The following MYO1D variants were observed in gnomAD, a reference collection of about 807,000 sequenced individuals.
The protein encoded by MYO1D is myosin ID.
MYO1D carries 83 observed loss-of-function variants against 122.0 expected under a neutral mutation model. The observed-to-expected ratio is 0.68, with a 90% CI of 0.57 to 0.82. MYO1D has a LOEUF of 0.82. MYO1D is among the 40% of genes least tolerant of loss of function. The probability of loss-of-function intolerance (pLI) is 0.00; values close to 1 mark genes in which losing one functional copy is unlikely to be tolerated. For missense variants in MYO1D, 1,157 were observed against 1,269.5 expected (o/e 0.91, Z 1.35); for synonymous variants, 464 against 446.9 (o/e 1.04, Z -0.48).
Position 32,771,124 on chromosome 17 carries a change from C to T in MYO1D, c.714+1G>A, listed in dbSNP as rs2090108586. The stretch of plus-strand genomic sequence containing the variant: ...AGCAATCTCAAAGAGGAAATTCTCA[C>T]CTTTAATTGAGCTCCCACATGAATA... On this transcript the variant is annotated splice_donor_variant, in intron 6 of 21. Coordinates refer to ENST00000318217, the MANE Select transcript of MYO1D (RefSeq NM_015194.3). LOFTEE classifies it high-confidence loss of function. 12 of 1,585,972 alleles carry T rather than the reference C, an allele frequency of 7.6e-6. No homozygotes were observed. Among genetic ancestry groups the T allele is most frequent in the Non-Finnish European group, 8.7e-6 (10 of 1,154,986 alleles).
chr17:32,537,039 A>G (rs1223086299), intron 21 of MYO1D, among the ~76,000 whole-genome samples: 1 of 152,210 alleles, frequency 6.6e-6, no homozygotes, highest in East Asian at 1.9e-4. Flanking sequence ...TGCCCAAGGA[A>G]TGGAGAAACA....
chr17:32,869,585 G>A (rs920015650), intron 1 of MYO1D, among the ~76,000 whole-genome samples: 1 of 152,198 alleles, frequency 6.6e-6, no homozygotes, highest in African/African-American at 2.4e-5. Flanking sequence ...CACTCCTAGA[G>A]ATAGTGTCCA....
intron 20 of MYO1D, among the ~76,000 whole-genome samples, chr17:32,605,994 G>T (rs1012188808): frequency 6.6e-6 from 1 of 152,006 alleles, no homozygotes; most frequent in Admixed American, 6.5e-5. Context: ...CAGCTACTTG[G>T]GGGGCTGAGG....
intron 21 of MYO1D, among the ~76,000 whole-genome samples, chr17:32,532,260 T>C (rs924123742): frequency 2.0e-5 from 3 of 152,268 alleles, no homozygotes; most frequent in Non-Finnish European, 4.4e-5. Flanking sequence ...AGAAATGATC[T>C]GCTTTCTTTT....
chr17:32,753,252 A>AG (rs34102716), intron 11 of MYO1D, among the ~76,000 whole-genome samples: 75,067 of 151,814 alleles, frequency 0.49, 18,866 homozygotes, highest in East Asian at 0.73. Flanking sequence ...CTCCAAAAGC[A>AG]GGGGGTGAGA....
chr17:32,706,173 T>C (rs762127124), intron 16 of MYO1D, among the ~76,000 whole-genome samples: 1 of 152,196 alleles, frequency 6.6e-6, no homozygotes, highest in African/African-American at 2.4e-5. Flanking sequence ...AGTGGCACAA[T>C]CTCAGGTCAC....
At chr17:32,740,968 TACACAGAC>T (rs1434321707) in intron 13 of MYO1D, among the ~76,000 whole-genome samples, 9 of 152,190 alleles carry the variant, frequency 5.9e-5, no homozygotes, top group South Asian at 2.1e-4. Flanking sequence ...TCCCTTCATT[TACACAGAC>T]ACACACAGAC....
chr17:32,764,346 A>T (rs1490465245), intron 8 of MYO1D, among the ~76,000 whole-genome samples: 2 of 152,196 alleles, frequency 1.3e-5, no homozygotes, highest in Admixed American at 6.5e-5. Flanking sequence ...ATTTGTGGTG[A>T]TCCACTGCAA....
intron 20 of MYO1D, among the ~76,000 whole-genome samples, chr17:32,615,079 G>A (rs914970695): frequency 2.6e-5 from 4 of 152,300 alleles, no homozygotes; most frequent in Middle Eastern, 3.4e-3. Context: ...ATAAAGTAGC[G>A]GTCGTTTCAT....
chr17:32,709,908 T>G (rs187000228), intron 16 of MYO1D, among the ~76,000 whole-genome samples: 1 of 152,184 alleles, frequency 6.6e-6, no homozygotes, highest in East Asian at 1.9e-4. Context: ...ATCTAGGAAT[T>G]AACCATGAAT....
Position 32,558,820 on chromosome 17 carries a change from C to G in MYO1D, c.2864+46267G>C, listed in dbSNP as rs2087091979. Among the ~76,000 whole-genome samples the G allele has an allele frequency of 2.0e-5, 3 of 152,186 alleles. No homozygotes were observed. The South Asian group carries it at 6.2e-4, about 32-fold the overall frequency. Reference sequence around the variant, plus strand: ...AAGACACTGAGGCGGGGAGTAGATGCTGGAGCCAGACTGTCTGAGCTCTGG... The same window carrying G: ...AAGACACTGAGGCGGGGAGTAGATGGTGGAGCCAGACTGTCTGAGCTCTGG... On this transcript the variant is annotated intron_variant, in intron 21 of 21. Coordinates refer to ENST00000318217, the MANE Select transcript of MYO1D (RefSeq NM_015194.3).
At chr17:32,544,264 TAA>T (rs559388521) in intron 21 of MYO1D, among the ~76,000 whole-genome samples, 4 of 139,144 alleles carry the variant, frequency 2.9e-5, no homozygotes. Flanking sequence ...CCCAGCTAAT[TAA>T]AAAAAAAAAA....
At chr17:32,571,256 C>T (rs761830106) in intron 21 of MYO1D, among the ~76,000 whole-genome samples, 21 of 151,976 alleles carry the variant, frequency 1.4e-4, no homozygotes, top group Non-Finnish European at 2.2e-4. Flanking sequence ...GGCAAACGAA[C>T]GGGTAAAGAA....
chr17:32,820,271 T>C (rs1241534837), intron 1 of MYO1D, among the ~76,000 whole-genome samples: 1 of 152,192 alleles, frequency 6.6e-6, no homozygotes, highest in Non-Finnish European at 1.5e-5. Flanking sequence ...TCTGGGTATA[T>C]GTTCAAAGGA....
intron 8 of MYO1D, among the ~76,000 whole-genome samples, chr17:32,760,969 A>G (rs1036716790): frequency 3.9e-5 from 6 of 152,210 alleles, no homozygotes; most frequent in Non-Finnish European, 8.8e-5. Flanking sequence ...AATTTCATCA[A>G]CTATAAAGAG....
At chr17:32,552,447 TCCA>T (rs869036717) in intron 21 of MYO1D, among the ~76,000 whole-genome samples, 9,754 of 151,876 alleles carry the variant, frequency 0.064, 342 homozygotes, top group Non-Finnish European at 0.072. Context: ...CATCCATCCA[TCCA>T]TCCATCCATC....
At chr17:32,871,904 A>C (rs1190894459) in intron 1 of MYO1D, among the ~76,000 whole-genome samples, 1 of 152,208 alleles carries the variant, frequency 6.6e-6, no homozygotes, top group African/African-American at 2.4e-5. Context: ...AAAAGGAACC[A>C]ATGAGCTCCA....
chr17:32,522,589 T>C (rs1910183401), intron 21 of MYO1D, among the ~76,000 whole-genome samples: 1 of 151,864 alleles, frequency 6.6e-6, no homozygotes, highest in African/African-American at 2.4e-5. Context: ...GATGCTAAGG[T>C]GGGGAGGGAC....
intron 19 of MYO1D, among the ~76,000 whole-genome samples, chr17:32,640,659 C>T (rs1310764222): frequency 6.6e-6 from 1 of 150,976 alleles, no homozygotes; most frequent in Non-Finnish European, 1.5e-5. Flanking sequence ...ATGAACTAAT[C>T]ATTTTTTATG....
Sources: allele counts gnomAD v4.1 joint callset (sites outside exome capture counted in the v4.1 genomes callset), GRCh38; gene constraint gnomAD v4.1.1; transcripts MANE v1.5; gene names NCBI Gene and HGNC (gene_info 2026-07-23, HGNC 2026-07-21).